The following RBPMS2 variants were observed in gnomAD, a reference collection of about 807,000 sequenced individuals.
The protein encoded by RBPMS2 is RNA binding protein, mRNA processing factor 2.
In RBPMS2, 14 loss-of-function variants were observed where a neutral mutation model predicts 25.7. The observed-to-expected ratio is 0.55, with a 90% CI of 0.36 to 0.85. The LOEUF (loss-of-function observed/expected upper bound fraction) is 0.85, where lower values mean the gene tolerates loss of function less well. RBPMS2 is among the 40% of genes least tolerant of loss of function. The pLI is 0.01. For missense variants in RBPMS2, 252 were observed against 283.4 expected (o/e 0.89, Z 0.80); for synonymous variants, 127 against 115.6 (o/e 1.10, Z -0.63).
chr15:64,750,227 G>A (rs1363863960), intron 3 of RBPMS2, 116 bp downstream of exon 3: 7 of 896,286 alleles, frequency 7.8e-6, no homozygotes, highest in Middle Eastern at 2.2e-4. Context: ...GGACAACAGG[G>A]AGCGCAAGTC....
At chr15:64,745,889 T>C (rs1033929670) in intron 6 of RBPMS2, among the ~76,000 whole-genome samples, 7 of 152,152 alleles carry the variant, frequency 4.6e-5, no homozygotes, top group African/African-American at 9.7e-5. Flanking sequence ...CAGAGGTACT[T>C]GTTCTCATCA....
chr15:64,756,891 T>C (rs980872633), intron 1 of RBPMS2, among the ~76,000 whole-genome samples: 3 of 149,324 alleles, frequency 2.0e-5, no homozygotes, highest in African/African-American at 7.4e-5. Flanking sequence ...AGGTCAGGAA[T>C]CCCTGACCTC....
intron 7 of RBPMS2, 36 bp downstream of exon 7, chr15:64,741,137 G>C: frequency 2.0e-6 from 3 of 1,506,056 alleles, no homozygotes; most frequent in Non-Finnish European, 2.7e-6. Context: ...CCGGAGTCTA[G>C]GACACTTGTC....
At chr15:64,744,799 T>G (rs1309147075) in intron 6 of RBPMS2, among the ~76,000 whole-genome samples, 2 of 5,176 alleles carry the variant, frequency 3.9e-4, no homozygotes, top group Admixed American at 2.6e-3. Flanking sequence ...GTTTGTTTTG[T>G]TTTTTTTTTT....
At chr15:64,774,740 G>GGCCGGCCGCCCGGCCC (rs1310334079) in intron 1 of RBPMS2, among the ~76,000 whole-genome samples, 8 of 151,322 alleles carry the variant, frequency 5.3e-5, no homozygotes, top group Admixed American at 4.6e-4. Flanking sequence ...GGAGCCGGCC[G>GGCCGGCCGCCCGGCCC]GCCCAGGCCT....
intron 1 of RBPMS2, chr15:64,762,514 G>C (rs777248275): frequency 1.9e-6 from 1 of 534,646 alleles, no homozygotes; most frequent in Non-Finnish European, 3.8e-6. Context: ...GATCTGATCT[G>C]GCTTCCCCAA....
At chr15:64,769,100 CAAAAA>C (rs1167404963) in intron 1 of RBPMS2, among the ~76,000 whole-genome samples, 7 of 27,688 alleles carry the variant, frequency 2.5e-4, no homozygotes, top group Non-Finnish European at 4.5e-4. Context: ...GACTTCGTCT[CAAAAA>C]AAAAAAAAAA....
intron 6 of RBPMS2, among the ~76,000 whole-genome samples, chr15:64,744,082 T>C (rs992417451): frequency 1.3e-5 from 2 of 150,918 alleles, no homozygotes; most frequent in African/African-American, 4.9e-5. Context: ...CACTCTAGCC[T>C]GGGCAACGGA....
chr15:64,756,817 TTTTGG>T (rs2083734990), intron 1 of RBPMS2, among the ~76,000 whole-genome samples: 3 of 149,014 alleles, frequency 2.0e-5, no homozygotes, highest in African/African-American at 2.5e-5. Context: ...TTTTTTTTTT[TTTTGG>T]AGAGACAGGG....
At chr15:64,759,328 C>T (rs1230073846) in intron 1 of RBPMS2, among the ~76,000 whole-genome samples, 1 of 152,184 alleles carries the variant, frequency 6.6e-6, no homozygotes, top group African/African-American at 2.4e-5. Flanking sequence ...AATCCCACCA[C>T]GACGGAGGAG....
At chr15:64,768,983 C>T (rs2083871115) in intron 1 of RBPMS2, among the ~76,000 whole-genome samples, 1 of 150,720 alleles carries the variant, frequency 6.6e-6, no homozygotes, top group Admixed American at 6.6e-5. Flanking sequence ...CACCTGTAGT[C>T]CCAGCTACTT....
At chr15:64,766,916 T>C (rs2083851387) in intron 1 of RBPMS2, among the ~76,000 whole-genome samples, 1 of 152,030 alleles carries the variant, frequency 6.6e-6, no homozygotes, top group Non-Finnish European at 1.5e-5. Context: ...CCTGAGTAGC[T>C]GGGATTACAG....
At chr15:64,765,574 G>A (rs1050015859) in intron 1 of RBPMS2, among the ~76,000 whole-genome samples, 1 of 149,768 alleles carries the variant, frequency 6.7e-6, no homozygotes, top group Admixed American at 6.7e-5. Flanking sequence ...ACGAGATCCT[G>A]TGTCAGAATA....
At chr15:64,774,916 G>A (rs1003303748) in intron 1 of RBPMS2, among the ~76,000 whole-genome samples, 1 of 151,484 alleles carries the variant, frequency 6.6e-6, no homozygotes, top group South Asian at 2.1e-4. Context: ...TGGGGAGCAA[G>A]GGGCGCGCGG....
At chr15:64,761,168 C>T (rs1009472199) in intron 1 of RBPMS2, 2 of 152,174 alleles carry the variant, frequency 1.3e-5, no homozygotes, top group Admixed American at 6.5e-5. Flanking sequence ...TCAGCAGTCC[C>T]CTACCCACTG....
At chr15:64,770,976 G>A (rs767095936) in intron 1 of RBPMS2, among the ~76,000 whole-genome samples, 66 of 152,308 alleles carry the variant, frequency 4.3e-4, no homozygotes, top group Non-Finnish European at 7.6e-4. Context: ...GGATGAGGTG[G>A]AAGGGCAGGG....
Position 64,750,367 on chromosome 15 carries a change from G to A in RBPMS2, c.180C>T (p.Ser60=), listed in dbSNP as rs1334888392. 5 of 1,614,000 alleles carry A rather than the reference G, an allele frequency of 3.1e-6. 1 individual carries two copies. In the South Asian group the frequency reaches 3.3e-5, roughly 11 times the overall value. ...LFRPFKGYEG[S]LIKLTARQPV... is the part of the protein sequence containing the mutation. ...CCTGTCTTGCAGTGAGCTTGATCAG[G>A]GACCCTTCATACCCCTGCGGAGAGA... Residue 60 remains serine (S), a synonymous_variant, in exon 3 of 8, where the codon TCC becomes TCT. Coordinates refer to ENST00000300069, the MANE Select transcript of RBPMS2 (RefSeq NM_194272.3).
chr15:64,767,073 C>T (rs1298745053), intron 1 of RBPMS2, among the ~76,000 whole-genome samples: 6 of 152,132 alleles, frequency 3.9e-5, no homozygotes, highest in South Asian at 2.1e-4. Flanking sequence ...CATAAGCCAC[C>T]GAGTTTTTCG....
At chr15:64,765,137 G>A (rs2083832769) in intron 1 of RBPMS2, among the ~76,000 whole-genome samples, 1 of 130,502 alleles carries the variant, frequency 7.7e-6, no homozygotes, top group Non-Finnish European at 1.5e-5. Context: ...TGAGGCAGAA[G>A]AATGACATGA....
Sources: allele counts gnomAD v4.1 joint callset (sites outside exome capture counted in the v4.1 genomes callset), GRCh38; gene constraint gnomAD v4.1.1; transcripts MANE v1.5; gene names NCBI Gene and HGNC (gene_info 2026-07-23, HGNC 2026-07-21).